Variants in PRDM16 observed in about 807,000 individuals in gnomAD.
PRDM16 encodes histone-lysine N-methyltransferase PRDM16.
Under a neutral mutation model 110.6 loss-of-function variants are expected in PRDM16, and 23 were observed. The observed-to-expected ratio is 0.21, with a 90% CI of 0.15 to 0.29. PRDM16 has a LOEUF of 0.29. Among genes scored for constraint, PRDM16 ranks in the 10% least tolerant of loss-of-function variants. The probability of loss-of-function intolerance (pLI) is 1.00; values close to 1 mark genes in which losing one functional copy is unlikely to be tolerated. For missense variants in PRDM16, 1,615 were observed against 1,794.3 expected (o/e 0.90, Z 1.81); for synonymous variants, 799 against 781.8 (o/e 1.02, Z -0.37).
chr1:3,279,372 C>A (rs1476767927), intron 3 of PRDM16, among the ~76,000 whole-genome samples: 3 of 152,010 alleles, frequency 2.0e-5, no homozygotes, highest in Non-Finnish European at 4.4e-5. Context: ...CGGGCCCTCG[C>A]GGTGCCTCGG....
intron 3 of PRDM16, among the ~76,000 whole-genome samples, chr1:3,366,800 G>A (rs1416047925): frequency 6.6e-6 from 1 of 152,188 alleles, no homozygotes; most frequent in African/African-American, 2.4e-5. Flanking sequence ...TAGAATGTGT[G>A]GTTAACATGC....
At chr1:3,219,470 G>A (rs558702784) in intron 2 of PRDM16, among the ~76,000 whole-genome samples, 84 of 152,356 alleles carry the variant, frequency 5.5e-4, no homozygotes, top group Middle Eastern at 3.4e-3. Context: ...GAGCTGGGGC[G>A]GGGGAAGGGG....
chr1:3,313,358 G>A (rs1641512479), intron 3 of PRDM16, among the ~76,000 whole-genome samples: 1 of 152,284 alleles, frequency 6.6e-6, no homozygotes, highest in African/African-American at 2.4e-5. Flanking sequence ...ACCGGAGGGC[G>A]GCACTTACCA....
chr1:3,184,123 G>A (rs1345292277), intron 1 of PRDM16, among the ~76,000 whole-genome samples: 1 of 152,134 alleles, frequency 6.6e-6, no homozygotes, highest in Admixed American at 6.5e-5. Flanking sequence ...CTGTGGCTGC[G>A]TCTCTGAAAG....
At chr1:3,305,820 C>T (rs1182997059) in intron 3 of PRDM16, among the ~76,000 whole-genome samples, 2 of 152,222 alleles carry the variant, frequency 1.3e-5, no homozygotes, top group African/African-American at 2.4e-5. Flanking sequence ...ATCCAGGATG[C>T]GAGAAGGGAA....
chr1:3,223,897 G>A (rs1169444803), intron 2 of PRDM16, among the ~76,000 whole-genome samples: 1 of 152,178 alleles, frequency 6.6e-6, no homozygotes, highest in Non-Finnish European at 1.5e-5. Context: ...GTGAGCAGAT[G>A]AACGAGGAAG....
At chr1:3,116,471 C>T (rs1230165267) in intron 1 of PRDM16, among the ~76,000 whole-genome samples, 2 of 152,120 alleles carry the variant, frequency 1.3e-5, no homozygotes, top group Non-Finnish European at 2.9e-5. Flanking sequence ...AGCCTGGATG[C>T]CCAGACCCCA....
At position 3,160,650 on chromosome 1, in the gene PRDM16, G is replaced by A. The variant is rs571260314; in HGVS notation, c.38-25475G>A. Among the ~76,000 whole-genome samples, 6 of 152,322 alleles carry A rather than the reference G, an allele frequency of 3.9e-5. No individual in the cohort carries two copies. The East Asian group carries it at 1.2e-3, about 29-fold the overall frequency. On this transcript the variant is annotated intron_variant, in intron 1 of 16. Transcript: ENST00000270722. ...GGTCTGGGTGAGAAGCGCCATCTGGGTCCCTGCCCTAGAACCCCGTCTGGG... is the reference window on the plus strand; with the variant it reads ...GGTCTGGGTGAGAAGCGCCATCTGGATCCCTGCCCTAGAACCCCGTCTGGG...
chr1:3,313,785 AACTGGAACGCAGCCTAGAGGCCTC>A (rs1216316988), intron 3 of PRDM16, among the ~76,000 whole-genome samples: 3 of 152,212 alleles, frequency 2.0e-5, no homozygotes, highest in Admixed American at 6.5e-5. Context: ...TGCCAGTTGT[AACTGGAACGCAGCCTAGAGGCCTC>A]ACTCCTCCAG....
At chr1:3,257,716 T>C (rs1383162388) in intron 3 of PRDM16, among the ~76,000 whole-genome samples, 1 of 152,220 alleles carries the variant, frequency 6.6e-6, no homozygotes, top group East Asian at 1.9e-4. Context: ...TACGCCTGCC[T>C]TGGGGTCTTG....
intron 5 of PRDM16, among the ~76,000 whole-genome samples, chr1:3,397,549 C>T (rs1369873478): frequency 5.3e-5 from 8 of 152,378 alleles, no homozygotes; most frequent in South Asian, 2.1e-4. Context: ...GGCTCCACGC[C>T]GGTCCCTCTG....
chr1:3,285,599 C>T (rs780882699), intron 3 of PRDM16, among the ~76,000 whole-genome samples: 2 of 152,318 alleles, frequency 1.3e-5, no homozygotes, highest in Non-Finnish European at 2.9e-5. Flanking sequence ...CTCACACCCG[C>T]GACATCCACA....
chr1:3,086,026 C>T (rs546690098), intron 1 of PRDM16, among the ~76,000 whole-genome samples: 1 of 152,350 alleles, frequency 6.6e-6, no homozygotes, highest in South Asian at 2.1e-4. Context: ...CTTCCTTTGG[C>T]CTAAGTCAGT....
At position 3,266,707 on chromosome 1, in the gene PRDM16, C is replaced by T. The variant is rs568653296; in HGVS notation, c.438+22570C>T. Among the ~76,000 whole-genome samples the T allele has an allele frequency of 2.0e-5, 3 of 152,322 alleles. No individual in the cohort carries two copies. In the South Asian group the frequency reaches 6.2e-4, roughly 32 times the overall value. ...TATTTATGTTTGAGACGGAGTCTTGCTCTTGTTGCCCAGGCTGGAGTGCAA... is the reference window on the plus strand; with the variant it reads ...TATTTATGTTTGAGACGGAGTCTTGTTCTTGTTGCCCAGGCTGGAGTGCAA... On this transcript the variant is annotated intron_variant, in intron 3 of 16. Transcript: ENST00000270722.
At chr1:3,408,500 G>T (rs1643598995) in intron 8 of PRDM16, among the ~76,000 whole-genome samples, 1 of 152,170 alleles carries the variant, frequency 6.6e-6, no homozygotes. Context: ...GTGAGTGTGG[G>T]CGCGTGCACC....
In PRDM16 at chr1:3,080,846, G is replaced by C. The variant is rs1642006566; in HGVS notation, c.37+11550G>C. On this transcript the variant is annotated intron_variant, in intron 1 of 16. Transcript: ENST00000270722. The surrounding 1 kb of genome is among the most constrained non-coding windows in gnomAD (Gnocchi z 5.2). ...TAATATCTCAGAGCCCCAGAGACTC[G>C]GCGTCTCCGACCCTGAGCCCACATG... is the stretch of plus-strand genomic sequence containing the variant. Among the ~76,000 whole-genome samples, 1 of 152,104 alleles carries C rather than the reference G, an allele frequency of 6.6e-6. No individual in the cohort carries two copies. The highest frequency in any genetic ancestry group is 2.4e-5 in the African/African-American group (1 of 41,424).
intron 3 of PRDM16, among the ~76,000 whole-genome samples, chr1:3,343,872 A>C (rs1432281333): frequency 2.6e-5 from 4 of 151,992 alleles, no homozygotes; most frequent in African/African-American, 9.7e-5. Context: ...CAATCTCCTG[A>C]CCTTGTGATC....
intron 1 of PRDM16, among the ~76,000 whole-genome samples, chr1:3,180,917 G>A (rs1464294911): frequency 2.0e-5 from 3 of 147,664 alleles, no homozygotes; most frequent in Non-Finnish European, 3.0e-5. Flanking sequence ...CTTACACGCA[G>A]CCTTACACAC....
intron 1 of PRDM16, among the ~76,000 whole-genome samples, chr1:3,093,091 C>T (rs990999335): frequency 2.0e-5 from 3 of 152,156 alleles, no homozygotes; most frequent in Non-Finnish European, 2.9e-5. Context: ...CTGAGCTGAC[C>T]GCTTCTCCTG....
Sources: gnomAD v4.1 joint callset for allele counts (sites outside exome capture counted in the v4.1 genomes callset) on GRCh38, gnomAD v4.1.1 for gene constraint, Gnocchi (gnomAD v3.1) non-coding constraint, MANE v1.5 for transcripts, NCBI Gene and HGNC (gene_info 2026-07-23, HGNC 2026-07-21) for gene names.